ARL8B: variants seen among roughly 807,000 people sequenced by gnomAD.
ARL8B encodes the protein ADP-ribosylation factor-like protein 8B.
ARL8B carries 9 observed loss-of-function variants against 30.6 expected under a neutral mutation model. The ratio of observed to expected loss-of-function variants is 0.29; its 90% confidence interval spans 0.18 to 0.51. The LOEUF is 0.51. ARL8B is among the 20% of genes least tolerant of loss of function. ARL8B has a pLI of 0.97. For missense variants in ARL8B, 130 were observed against 227.2 expected (o/e 0.57, Z 2.75); for synonymous variants, 74 against 76.0 (o/e 0.97, Z 0.14).
intron 1 of ARL8B, among the ~76,000 whole-genome samples, chr3:5,141,141 G>T (rs922460434): frequency 6.6e-6 from 1 of 152,062 alleles, no homozygotes; most frequent in Non-Finnish European, 1.5e-5. Flanking sequence ...CCCTTTTAGG[G>T]GCTGACCCCT....
chr3:5,160,349 A>G (rs1314835306), intron 1 of ARL8B, among the ~76,000 whole-genome samples: 2 of 152,228 alleles, frequency 1.3e-5, no homozygotes, highest in African/African-American at 4.8e-5. Context: ...TTTATTCAGC[A>G]GTTTTTTGGA....
rs545301890 is a variant in ARL8B, at chr3:5,128,576, A to C, written c.123+5988A>C. ...AGTTAATGGATTTTTTAAGTTTTTC[A>C]AAGATATAGTAAGTGGATGGTTACT... On this transcript the variant is annotated intron_variant, in intron 1 of 6. Transcript: ENST00000256496. 8.8e-4 allele frequency: 328 copies of C among 372,980 alleles called. 10 individuals carry two copies. The highest frequency in any genetic ancestry group is 6.3e-3 in the South Asian group (313 of 49,752). The allele number at this position is 372,980 out of a possible 1,614,324, so 23.1% of individuals were successfully genotyped here. A position where few individuals can be genotyped will look rare whatever the true frequency, so the allele number is the denominator to read the frequency against.
rs182554260 is a variant in ARL8B, at chr3:5,172,925, C to T, written c.372+185C>T. ...GTGCTAAATATGAATCTCATAACCA[C>T]GTATCTACTAAACTACTATGCAGCA... is the stretch of plus-strand genomic sequence containing the variant. On this transcript the variant is annotated intron_variant, in intron 4 of 6. Coordinates refer to ENST00000256496, the MANE Select transcript of ARL8B (RefSeq NM_018184.3). Among the ~76,000 whole-genome samples the T allele has an allele frequency of 2.0e-4, 30 of 152,320 alleles. No homozygotes were observed. In the South Asian group the frequency reaches 5.6e-3, roughly 28 times the overall value.
Position 5,143,556 on chromosome 3 carries a change from G to A in ARL8B, c.123+20968G>A, listed in dbSNP as rs140356951. ...CCACTGGTCTTGTTCCTTCCCTTCCGAGGTCTCTTTTACCAGTCCCTTGAC... is the reference window on the plus strand; with the variant it reads ...CCACTGGTCTTGTTCCTTCCCTTCCAAGGTCTCTTTTACCAGTCCCTTGAC... On this transcript the variant is annotated intron_variant, in intron 1 of 6. Transcript: ENST00000256496. Among the ~76,000 whole-genome samples, 62 of 152,258 alleles carry A rather than the reference G, an allele frequency of 4.1e-4. No homozygotes were observed. In the East Asian group the frequency reaches 0.011, roughly 27 times the overall value.
intron 1 of ARL8B, among the ~76,000 whole-genome samples, chr3:5,130,611 G>A (rs1263422259): frequency 6.6e-6 from 1 of 151,022 alleles, no homozygotes; most frequent in Non-Finnish European, 1.5e-5. Context: ...TCGGTTGACT[G>A]TAACCTCTGC....
At chr3:5,143,165 A>G (rs1355047424) in intron 1 of ARL8B, among the ~76,000 whole-genome samples, 1 of 152,274 alleles carries the variant, frequency 6.6e-6, no homozygotes, top group African/African-American at 2.4e-5. Flanking sequence ...CTGGGGTGCT[A>G]CCATCTTGGT....
chr3:5,149,574 C>T (rs910485201), intron 1 of ARL8B, among the ~76,000 whole-genome samples: 15 of 152,224 alleles, frequency 9.9e-5, no homozygotes, highest in African/African-American at 3.1e-4. Flanking sequence ...TTACAATCTT[C>T]CCAGATGTGT....
intron 1 of ARL8B, among the ~76,000 whole-genome samples, chr3:5,135,809 CAG>C (rs1478613883): frequency 9.2e-6 from 1 of 108,768 alleles, no homozygotes; most frequent in African/African-American, 3.4e-5. Context: ...TATTTTGAGA[CAG>C]GGTCTCACTC....
chr3:5,170,673 T>C (rs1207703626), intron 2 of ARL8B, 90 bp downstream of exon 2: 22 of 1,008,636 alleles, frequency 2.2e-5, no homozygotes, highest in Non-Finnish European at 2.8e-5. Flanking sequence ...TACTGAAAAT[T>C]TGCAGTTTTT....
chr3:5,134,623 ATTTT>A (rs946101358), intron 1 of ARL8B, among the ~76,000 whole-genome samples: 2 of 152,102 alleles, frequency 1.3e-5, no homozygotes, highest in Admixed American at 1.3e-4. Flanking sequence ...TTAGAGTATC[ATTTT>A]TCTTCTACTC....
chr3:5,175,753 C>T (rs2054724303), intron 6 of ARL8B, among the ~76,000 whole-genome samples: 1 of 152,178 alleles, frequency 6.6e-6, no homozygotes, highest in Non-Finnish European at 1.5e-5. Context: ...TGGTGGTTGC[C>T]AGCAATCCTT....
chr3:5,164,861 AT>A (rs1219640712), intron 1 of ARL8B, among the ~76,000 whole-genome samples: 2 of 152,170 alleles, frequency 1.3e-5, no homozygotes, highest in African/African-American at 4.8e-5. Flanking sequence ...AGTCTGAAAC[AT>A]TTCTACAGCT....
intron 1 of ARL8B, among the ~76,000 whole-genome samples, chr3:5,165,429 T>G (rs546380887): frequency 2.6e-5 from 4 of 152,296 alleles, no homozygotes; most frequent in African/African-American, 9.6e-5. Context: ...ATTTGGGTAT[T>G]TAGTTGGTCA....
At chr3:5,159,674 T>A (rs1397732238) in intron 1 of ARL8B, among the ~76,000 whole-genome samples, 1 of 150,056 alleles carries the variant, frequency 6.7e-6, no homozygotes, top group Non-Finnish European at 1.5e-5. Context: ...CATATCTTAC[T>A]AAGATCATTT....
intron 1 of ARL8B, among the ~76,000 whole-genome samples, chr3:5,144,270 A>G (rs765692840): frequency 5.9e-5 from 9 of 152,354 alleles, no homozygotes; most frequent in Non-Finnish European, 1.0e-4. Context: ...TCTGATCACC[A>G]GTAAATACTT....
In ARL8B at chr3:5,174,024, T is replaced by G; in HGVS notation, c.380T>G (p.Val127Gly). Residue 127 changes from valine (V) to glycine (G), a missense_variant, in exon 5 of 7, where the codon GTG (valine) becomes GGG (glycine). By Grantham distance (109) the Val-to-Gly change is moderately radical. Coordinates refer to ENST00000256496, the MANE Select transcript of ARL8B (RefSeq NM_018184.3). The stretch of plus-strand genomic sequence containing the variant: ...TATCTTTTCTTTTTAAAGGTGCTAG[T>G]GCTTGGAAACAAGAGAGATCTTCCT... ...KPQLQGIPVL[V>G]LGNKRDLPNA... 1 of 1,611,944 alleles carries G rather than the reference T, an allele frequency of 6.2e-7. No individual in the cohort carries two copies. The highest frequency in any genetic ancestry group is 8.5e-7 in the Non-Finnish European group (1 of 1,178,276).
intron 1 of ARL8B, among the ~76,000 whole-genome samples, chr3:5,142,928 A>T (rs573406972): frequency 2.6e-5 from 4 of 152,132 alleles, no homozygotes; most frequent in Non-Finnish European, 5.9e-5. Flanking sequence ...CCTTGGACAG[A>T]TGTAGTTTAT....
At chr3:5,137,732 C>T (rs1423162957) in intron 1 of ARL8B, among the ~76,000 whole-genome samples, 1 of 151,948 alleles carries the variant, frequency 6.6e-6, no homozygotes, top group Non-Finnish European at 1.5e-5. Flanking sequence ...GCCACCATGC[C>T]CAGCCCTTTT....
intron 4 of ARL8B, among the ~76,000 whole-genome samples, chr3:5,173,204 A>G (rs142138437): frequency 1.3e-5 from 2 of 152,206 alleles, no homozygotes; most frequent in East Asian, 3.8e-4. Context: ...TCCAAGGGAT[A>G]CATACAAATG....
Sources: allele counts gnomAD v4.1 joint callset (sites outside exome capture counted in the v4.1 genomes callset), GRCh38; gene constraint gnomAD v4.1.1; transcripts MANE v1.5; gene names NCBI Gene and HGNC (gene_info 2026-07-23, HGNC 2026-07-21).